The following FARP1 variants were observed in gnomAD, a reference collection of about 807,000 sequenced individuals.
FARP1 encodes the protein FERM, ARH/RhoGEF and pleckstrin domain protein 1, also known as FERM, ARHGEF and pleckstrin domain-containing protein 1.
A neutral mutation model predicts 128.8 loss-of-function variants in FARP1; 52 were observed. The ratio of observed to expected loss-of-function variants is 0.40; its 90% CI spans 0.32 to 0.51. FARP1 has a LOEUF of 0.51. FARP1 is among the 20% of genes least tolerant of loss of function. The pLI is 0.45. For missense variants in FARP1, 1,333 were observed against 1,367.9 expected, an observed-to-expected ratio of 0.97 and a Z score of 0.40; for synonymous variants, 580 against 551.8, an observed-to-expected ratio of 1.05 and a Z score of -0.72.
At chr13:98,180,333 G>A (rs375120927) in intron 1 of FARP1, among the ~76,000 whole-genome samples, 4 of 152,006 alleles carry the variant, frequency 2.6e-5, no homozygotes, top group African/African-American at 4.8e-5. Context: ...CCCTGGGTGA[G>A]CACCCAGGAA....
intron 2 of FARP1, chr13:98,245,071 C>A: frequency 9.8e-7 from 1 of 1,024,240 alleles, no homozygotes; most frequent in Non-Finnish European, 1.2e-6. Context: ...AAGTTAAAAA[C>A]CATCTTCCTT....
intron 16 of FARP1, among the ~76,000 whole-genome samples, chr13:98,415,484 C>T (rs1891339936): frequency 6.6e-6 from 1 of 152,114 alleles, no homozygotes; most frequent in South Asian, 2.1e-4. Flanking sequence ...TGAGTGTGTG[C>T]GTGGCAGGCT....
intron 6 of FARP1, among the ~76,000 whole-genome samples, chr13:98,379,222 A>C (rs1385503263): frequency 8.4e-6 from 1 of 119,128 alleles, no homozygotes; most frequent in Non-Finnish European, 1.6e-5. Context: ...ATAATATATA[A>C]TCTATCTATA....
chr13:98,438,262 G>A (rs979313166), intron 19 of FARP1, among the ~76,000 whole-genome samples: 8 of 152,126 alleles, frequency 5.3e-5, no homozygotes, highest in African/African-American at 1.7e-4. Context: ...GAGAAGCAGG[G>A]TTTTCAATCA....
chr13:98,254,871 A>T (rs1386074395), intron 2 of FARP1, among the ~76,000 whole-genome samples: 8 of 152,210 alleles, frequency 5.3e-5, no homozygotes, highest in Admixed American at 3.9e-4. Flanking sequence ...CATGGAGAAG[A>T]ACCACTAGCT....
At chr13:98,198,319 A>C (rs1415482945) in intron 1 of FARP1, among the ~76,000 whole-genome samples, 1 of 152,160 alleles carries the variant, frequency 6.6e-6, no homozygotes, top group Non-Finnish European at 1.5e-5. Flanking sequence ...AAAGCATCTC[A>C]ACATAGCCCA....
chr13:98,307,080 A>G (rs1886198966), intron 2 of FARP1, among the ~76,000 whole-genome samples: 1 of 152,330 alleles, frequency 6.6e-6, no homozygotes, highest in East Asian at 1.9e-4. Flanking sequence ...TACAAATGAC[A>G]GGACAGAGAT....
At chr13:98,439,323 GT>G in intron 21 of FARP1, 127 bp downstream of exon 21, 1 of 665,254 alleles carries the variant, frequency 1.5e-6, no homozygotes. Context: ...TGGCATCTTG[GT>G]TACAAGACAT....
chr13:98,286,595 T>C (rs2139646951), intron 2 of FARP1, among the ~76,000 whole-genome samples: 1 of 152,244 alleles, frequency 6.6e-6, no homozygotes, highest in East Asian at 1.9e-4. Flanking sequence ...CCCAGCCATG[T>C]GGAACTGTGA....
At chr13:98,397,391 G>A (rs1292587925) in intron 13 of FARP1, 1 of 152,234 alleles carries the variant, frequency 6.6e-6, no homozygotes, top group Admixed American at 6.5e-5. Flanking sequence ...GTTGCTCTTG[G>A]TTGGTGTACA....
Position 98,309,610 on chromosome 13 carries a change from G to T in FARP1, c.172-34152G>T, listed in dbSNP as rs77462059. Among the ~76,000 whole-genome samples, 537 of 152,316 alleles carry T rather than the reference G, an allele frequency of 3.5e-3. 2 individuals are homozygous for T. The highest frequency in any genetic ancestry group is 4.2e-3 in the Non-Finnish European group (286 of 68,028). On this transcript the variant is annotated intron_variant, in intron 2 of 26. Coordinates refer to ENST00000319562, the MANE Select transcript of FARP1 (RefSeq NM_005766.4). ...CAGAAGAGGCTGGTGCGAGATGGGA[G>T]ACTTCCATGCTTAAAAAATGCTTAA...
intron 2 of FARP1, among the ~76,000 whole-genome samples, chr13:98,279,173 A>C (rs916140151): frequency 4.6e-5 from 7 of 152,204 alleles, no homozygotes; most frequent in African/African-American, 1.7e-4. Context: ...CAGCATGCTA[A>C]ATAAATAGTA....
chr13:98,197,423 G>T (rs191079000), intron 1 of FARP1, among the ~76,000 whole-genome samples: 8 of 151,722 alleles, frequency 5.3e-5, no homozygotes, highest in Non-Finnish European at 1.2e-4. Context: ...CTGAGATCGC[G>T]CCATTGCACT....
At chr13:98,401,882 A>G (rs1890787852) in intron 13 of FARP1, 1 of 148,722 alleles carries the variant, frequency 6.7e-6, no homozygotes, top group South Asian at 2.2e-4. Context: ...GCCACTCGAC[A>G]CAGACATCAC....
intron 2 of FARP1, among the ~76,000 whole-genome samples, chr13:98,256,948 G>GTAT (rs59128917): frequency 3.9e-5 from 3 of 77,074 alleles, no homozygotes; most frequent in Non-Finnish European, 5.4e-5. Context: ...TATATATGTG[G>GTAT]ATATATATAT....
Position 98,396,369 on chromosome 13 carries a change from A to G in FARP1, c.1414+893A>G, listed in dbSNP as rs1438273411. The stretch of plus-strand genomic sequence containing the variant: ...TGATCCCCGGGAGTCAGCCCCTCAT[A>G]TTTGGTAACCCCGCAGTGCTGCGTT... On this transcript the variant is annotated intron_variant, in intron 13 of 26. Transcript: ENST00000319562. 26 of 399,026 alleles carry G rather than the reference A, an allele frequency of 6.5e-5. No homozygotes were observed. In the Admixed American group the frequency reaches 1.0e-3, roughly 16 times the overall value. 24.7% of individuals were successfully genotyped at this position (399,026 alleles called of 1,614,324 possible).
intron 17 of FARP1, among the ~76,000 whole-genome samples, chr13:98,427,393 CT>C (rs1298280180): frequency 6.6e-6 from 1 of 152,188 alleles, no homozygotes; most frequent in Non-Finnish European, 1.5e-5. Context: ...ATGCTCTGTA[CT>C]TTTTCCAAGG....
intron 5 of FARP1, among the ~76,000 whole-genome samples, chr13:98,374,103 C>T (rs900910824): frequency 3.9e-5 from 6 of 152,172 alleles, no homozygotes; most frequent in African/African-American, 1.2e-4. Context: ...TATTTATCCC[C>T]TAACTGTCCT....
At position 98,440,252 on chromosome 13, in the gene FARP1, C is replaced by T; in HGVS notation, c.2629+17C>T. The T allele has an allele frequency of 6.3e-7, 1 of 1,574,914 alleles. No individual in the cohort carries two copies. On this transcript the variant is annotated intron_variant, in intron 23 of 26. Coordinates refer to ENST00000319562, the MANE Select transcript of FARP1 (RefSeq NM_005766.4). The stretch of plus-strand genomic sequence containing the variant: ...CTGACAACAGTGAGTGTGGCCAGGG[C>T]AGCTTTCCCATGCAGGGGTCTGGTT...
Sources: allele counts gnomAD v4.1 joint callset (sites outside exome capture counted in the v4.1 genomes callset), GRCh38; gene constraint gnomAD v4.1.1; transcripts MANE v1.5; gene names NCBI Gene and HGNC (gene_info 2026-07-23, HGNC 2026-07-21).